Variants in COL23A1 observed in about 807,000 individuals in gnomAD.
COL23A1 encodes the protein collagen alpha-1(XXIII) chain.
Under a neutral mutation model 99.3 loss-of-function variants are expected in COL23A1, and 97 were observed. The ratio of observed to expected loss-of-function variants is 0.98; its 90% confidence interval spans 0.83 to 1.16. The LOEUF (loss-of-function observed/expected upper bound fraction) is 1.16, where lower values mean the gene tolerates loss of function less well. COL23A1 is among the 50% of genes most tolerant of loss of function. COL23A1 has a pLI of 0.00. For synonymous variants in COL23A1, 320 were observed against 308.2 expected, an observed-to-expected ratio of 1.04 and a Z score of -0.40; for missense variants, 762 against 757.4, an observed-to-expected ratio of 1.01 and a Z score of -0.07.
intron 2 of COL23A1, among the ~76,000 whole-genome samples, chr5:178,495,479 A>G (rs1349736505): frequency 6.6e-6 from 1 of 152,218 alleles, no homozygotes; most frequent in Non-Finnish European, 1.5e-5. Context: ...GAATGTAAGA[A>G]CATTTAAACT....
chr5:178,527,198 G>T (rs554946209), intron 2 of COL23A1, among the ~76,000 whole-genome samples: 2 of 151,572 alleles, frequency 1.3e-5, no homozygotes, highest in African/African-American at 4.9e-5. Flanking sequence ...TGAGGAGAGT[G>T]GGGGACAGCA....
At chr5:178,489,097 A>G (rs1010103601) in intron 2 of COL23A1, among the ~76,000 whole-genome samples, 10 of 151,490 alleles carry the variant, frequency 6.6e-5, no homozygotes, top group African/African-American at 2.4e-4. Context: ...TGTGTCTGTG[A>G]GGGTGTTTCC....
chr5:178,393,353 A>G (rs1764067287), intron 2 of COL23A1, among the ~76,000 whole-genome samples: 1 of 152,178 alleles, frequency 6.6e-6, no homozygotes, highest in Non-Finnish European at 1.5e-5. Flanking sequence ...GATGGGAAGT[A>G]AATGGTGGGT....
chr5:178,554,431 G>A (rs1479691515), intron 2 of COL23A1, among the ~76,000 whole-genome samples: 1 of 151,998 alleles, frequency 6.6e-6, no homozygotes, highest in Non-Finnish European at 1.5e-5. Context: ...TGCCCACTTC[G>A]GCCTCCCAAA....
intron 1 of COL23A1, among the ~76,000 whole-genome samples, chr5:178,582,556 G>A (rs561189549): frequency 6.6e-6 from 1 of 152,282 alleles, no homozygotes; most frequent in South Asian, 2.1e-4. Flanking sequence ...GGACAGCGGG[G>A]CACAGGGCTC....
At chr5:178,491,319 G>C (rs140834174) in intron 2 of COL23A1, among the ~76,000 whole-genome samples, 1 of 152,174 alleles carries the variant, frequency 6.6e-6, no homozygotes, top group Non-Finnish European at 1.5e-5. Flanking sequence ...CCAAGAGGAC[G>C]ACAGTTCTCC....
At chr5:178,567,387 A>C (rs1762888806) in intron 1 of COL23A1, among the ~76,000 whole-genome samples, 1 of 152,220 alleles carries the variant, frequency 6.6e-6, no homozygotes, top group Admixed American at 6.5e-5. Flanking sequence ...ACAGTGCCCG[A>C]AAGTAAGGAA....
chr5:178,585,533 G>C, intron 1 of COL23A1, among the ~76,000 whole-genome samples: 1 of 151,176 alleles, frequency 6.6e-6, no homozygotes, highest in Non-Finnish European at 1.5e-5. Flanking sequence ...GATGACGCTG[G>C]AGTAACACTC....
rs564252561 is a variant in COL23A1 at position 178,549,875 on chromosome 5, G to A, written c.361+10807C>T. 2.0e-5 allele frequency among the ~76,000 whole-genome samples: 3 copies of A among 152,144 alleles called. No individual in the cohort carries two copies. In the South Asian group the frequency reaches 6.2e-4, roughly 32 times the overall value. On this transcript the variant is annotated intron_variant, in intron 2 of 28. Coordinates refer to ENST00000390654, the MANE Select transcript of COL23A1 (RefSeq NM_173465.4). ...TCTTTAACAACAAAATAACAAACATGAGAAAATGATGTTATTCATTAAATC... is the reference window on the plus strand; with the variant it reads ...TCTTTAACAACAAAATAACAAACATAAGAAAATGATGTTATTCATTAAATC...
Position 178,340,171 on chromosome 5 carries a change from T to C in COL23A1, c.362-33252A>G, listed in dbSNP as rs1760573665. ...GGCATCATACTCCCTCCTCACAGCG[T>C]TCTCATGAGGAATGCACCTATGAAA... On this transcript the variant is annotated intron_variant, in intron 2 of 28. Coordinates refer to ENST00000390654, the MANE Select transcript of COL23A1 (RefSeq NM_173465.4). This position sits in a 1 kb window ranked among gnomAD's most constrained non-coding sequence, Gnocchi z 4.7. 6.6e-6 allele frequency among the ~76,000 whole-genome samples: 1 copy of C among 152,186 alleles called. No individual in the cohort carries two copies. Among genetic ancestry groups the C allele is most frequent in the African/African-American group, 2.4e-5 (1 of 41,442 alleles).
At chr5:178,511,555 C>T (rs1004697349) in intron 2 of COL23A1, among the ~76,000 whole-genome samples, 2 of 152,242 alleles carry the variant, frequency 1.3e-5, no homozygotes, top group East Asian at 3.8e-4. Flanking sequence ...GCACTTTGCT[C>T]ATAGGGAATC....
At chr5:178,521,552 C>CAA (rs5873620) in intron 2 of COL23A1, among the ~76,000 whole-genome samples, 273 of 113,304 alleles carry the variant, frequency 2.4e-3, no homozygotes, top group African/African-American at 8.4e-3. Flanking sequence ...GACTCCATCT[C>CAA]AAAAAAAAAA....
intron 2 of COL23A1, among the ~76,000 whole-genome samples, chr5:178,449,748 G>A (rs951302904): frequency 7.2e-5 from 11 of 151,808 alleles, no homozygotes; most frequent in Admixed American, 2.0e-4. Context: ...GTCTGGTCTC[G>A]TATGTTTCTG....
chr5:178,263,207 C>T lies in COL23A1; in HGVS notation c.639+1G>A. Reference sequence around the variant, plus strand: ...TGGCCCAACTCCATGCCCTCTCTTACCGCTGGGCCTTGTGCTCCCCTGGGG... The same window carrying T: ...TGGCCCAACTCCATGCCCTCTCTTATCGCTGGGCCTTGTGCTCCCCTGGGG... On this transcript the variant is annotated splice_donor_variant, in intron 9 of 28. Coordinates refer to ENST00000390654, the MANE Select transcript of COL23A1 (RefSeq NM_173465.4). LOFTEE classifies it high-confidence loss of function. 6.2e-7 allele frequency: 1 copy of T among 1,610,202 alleles called. No homozygotes were observed. The highest frequency in any genetic ancestry group is 8.5e-7 in the Non-Finnish European group (1 of 1,176,562).
intron 2 of COL23A1, among the ~76,000 whole-genome samples, chr5:178,536,358 C>T (rs1232586909): frequency 1.3e-5 from 2 of 152,248 alleles, no homozygotes; most frequent in Admixed American, 6.5e-5. Flanking sequence ...GAGCCTCTCA[C>T]ATCCCGACCA....
In COL23A1 at chr5:178,256,301, T is replaced by C. The variant is rs1170288187; in HGVS notation, c.882+52A>G. 4.1e-5 allele frequency: 59 copies of C among 1,422,690 alleles called. 1 individual carries two copies. The highest frequency in any genetic ancestry group is 2.6e-4 in the South Asian group (17 of 66,400). The allele number at this position is 1,422,690 out of a possible 1,614,324, so 88.1% of individuals were successfully genotyped here. A position where few individuals can be genotyped will look rare whatever the true frequency, so the allele number is the denominator to read the frequency against. On this transcript the variant is annotated intron_variant, in intron 15 of 28. Transcript: ENST00000390654. ...GTGGGGACAGGGGCTTCTGAAGCTA[T>C]GGGGCCCCTAGATCTCATCCCTGAG...
intron 1 of COL23A1, among the ~76,000 whole-genome samples, 171 bp from the exon 2 acceptor site, chr5:178,560,919 G>T (rs1056880081): frequency 6.6e-6 from 1 of 152,228 alleles, no homozygotes; most frequent in African/African-American, 2.4e-5. Flanking sequence ...GGGAATTTTA[G>T]AATGAGGAAA....
At chr5:178,269,252 G>A (rs1413956627) in intron 6 of COL23A1, among the ~76,000 whole-genome samples, 1 of 150,446 alleles carries the variant, frequency 6.6e-6, no homozygotes, top group Non-Finnish European at 1.5e-5. Context: ...GCAGCTCCTT[G>A]GAGTATGGGT....
At chr5:178,588,489 C>G (rs1764111167) in intron 1 of COL23A1, among the ~76,000 whole-genome samples, 1 of 152,222 alleles carries the variant, frequency 6.6e-6, no homozygotes, top group South Asian at 2.1e-4. Context: ...CTCTATAAAT[C>G]AATTCAACAC....
Sources: allele counts gnomAD v4.1 joint callset (sites outside exome capture counted in the v4.1 genomes callset), GRCh38; gene constraint gnomAD v4.1.1; non-coding constraint Gnocchi (gnomAD v3.1); transcripts MANE v1.5; gene names NCBI Gene and HGNC (gene_info 2026-07-23, HGNC 2026-07-21).